Variants in LIN28B observed in about 807,000 individuals in gnomAD.
The protein encoded by LIN28B is protein lin-28 homolog B.
Under a neutral mutation model 21.9 loss-of-function variants are expected in LIN28B, and 5 were observed. That is an observed-to-expected ratio of 0.23 (90% CI 0.12 to 0.48). The LOEUF is 0.48. Among genes scored for constraint, LIN28B ranks in the 20% least tolerant of loss-of-function variants. The pLI is 0.98. For synonymous variants in LIN28B, 109 were observed against 111.3 expected, an observed-to-expected ratio of 0.98 and a Z score of 0.13; for missense variants, 245 against 310.5, an observed-to-expected ratio of 0.79 and a Z score of 1.58.
intron 3 of LIN28B, among the ~76,000 whole-genome samples, chr6:105,070,595 C>CACACACACACACACAT (rs1348958003): frequency 3.2e-4 from 32 of 101,466 alleles, no homozygotes; most frequent in Non-Finnish European, 5.8e-4. Flanking sequence ...AATAAAACCA[C>CACACACACACACACAT]ACACACACAC....
intron 3 of LIN28B, among the ~76,000 whole-genome samples, chr6:105,066,114 A>G (rs537979595): frequency 1.1e-4 from 17 of 152,328 alleles, no homozygotes; most frequent in African/African-American, 3.8e-4. Context: ...TCTAGGCTGT[A>G]GTGAGCTGTG....
At position 104,997,786 on chromosome 6, in the gene LIN28B, T is replaced by C. The variant is rs550383606; in HGVS notation, c.199-28512T>C. Among the ~76,000 whole-genome samples, 265 of 152,308 alleles carry C rather than the reference T, an allele frequency of 1.7e-3. 2 individuals carry two copies. Among genetic ancestry groups the C allele is most frequent in the Admixed American group, 2.3e-3 (35 of 15,300 alleles). On this transcript the variant is annotated intron_variant, in intron 2 of 3. Coordinates refer to ENST00000345080, the MANE Select transcript of LIN28B (RefSeq NM_001004317.4). ...TAAAAATTAGTCTTAGCACATTAGC[T>C]AAGGCTGACACTTCCGGGTTTATAT...
intron 2 of LIN28B, among the ~76,000 whole-genome samples, chr6:104,976,020 TGGCTG>T (rs1403044229): frequency 6.6e-6 from 1 of 152,114 alleles, no homozygotes; most frequent in East Asian, 1.9e-4. Context: ...GATCATAGAA[TGGCTG>T]ATTGCCTAAT....
At chr6:105,019,572 C>G (rs1479297222) in intron 2 of LIN28B, among the ~76,000 whole-genome samples, 1 of 152,112 alleles carries the variant, frequency 6.6e-6, no homozygotes, top group Non-Finnish European at 1.5e-5. Flanking sequence ...CATTAACCTC[C>G]CTGTTTTCAA....
At chr6:105,020,747 C>CTTTT (rs1176851045) in intron 2 of LIN28B, among the ~76,000 whole-genome samples, 26 of 85,414 alleles carry the variant, frequency 3.0e-4, no homozygotes, top group Non-Finnish European at 3.8e-4. Context: ...TCATTCCACT[C>CTTTT]TTTTTTTTTT....
intron 2 of LIN28B, chr6:104,940,829 T>A (rs115424684): frequency 6.6e-6 from 1 of 151,452 alleles, no homozygotes; most frequent in African/African-American, 2.4e-5. Context: ...CGGCTCACAA[T>A]GTGCTGACCC....
chr6:105,021,374 G>A (rs1265611770), intron 2 of LIN28B, among the ~76,000 whole-genome samples: 2 of 152,008 alleles, frequency 1.3e-5, no homozygotes, highest in Non-Finnish European at 2.9e-5. Flanking sequence ...TTTCCTTTGG[G>A]TCAATACCCA....
intron 2 of LIN28B, among the ~76,000 whole-genome samples, chr6:104,949,287 G>C (rs541137234): frequency 6.6e-6 from 1 of 152,282 alleles, no homozygotes; most frequent in African/African-American, 2.4e-5. Context: ...TTCATTAAGT[G>C]TCTGTAATGA....
rs182392585 is a variant in LIN28B at position 105,059,841 on chromosome 6, T to G, written c.384-18573T>G. ...CCCTTTAGTACTAAATATTCTTTTT[T>G]CATCCTTACATTCCAGCATCTTACA... On this transcript the variant is annotated intron_variant, in intron 3 of 3. Coordinates refer to ENST00000345080, the MANE Select transcript of LIN28B (RefSeq NM_001004317.4). Among the ~76,000 whole-genome samples the G allele has an allele frequency of 5.6e-4, 85 of 152,328 alleles. No homozygotes were observed. In the East Asian group the frequency reaches 9.2e-3, roughly 17 times the overall value.
intron 3 of LIN28B, among the ~76,000 whole-genome samples, chr6:105,049,566 T>C (rs1387292994): frequency 6.6e-6 from 1 of 152,172 alleles, no homozygotes; most frequent in Admixed American, 6.5e-5. Flanking sequence ...TTGTTAACTT[T>C]CTGTCTCGTT....
chr6:105,043,380 A>G (rs1041548690), intron 3 of LIN28B, among the ~76,000 whole-genome samples: 1 of 145,778 alleles, frequency 6.9e-6, no homozygotes, highest in African/African-American at 2.5e-5. Context: ...AAAGAAAACT[A>G]AAACTATACA....
chr6:104,958,193 G>C lies in LIN28B; in HGVS notation c.105G>C (p.Lys35Asn). Residue 35 changes from lysine to asparagine, a missense_variant, in exon 2 of 4, where the codon AAG becomes AAC. Lys to Asn is a moderately conservative substitution (Grantham distance 94, BLOSUM62 0). Transcript: ENST00000345080. Reference sequence around the variant, plus strand: ...TTTTGCGCGGAACTGGCCACTGTAAGTGGTTCAATGTGCGCATGGGATTTG... The same window carrying C: ...TTTTGCGCGGAACTGGCCACTGTAACTGGTTCAATGTGCGCATGGGATTTG... ...SQVLRGTGHC[K>N]WFNVRMGFGF... The C allele has an allele frequency of 6.2e-7, 1 of 1,608,744 alleles. No individual in the cohort carries two copies. The highest frequency in any genetic ancestry group is 8.5e-7 in the Non-Finnish European group (1 of 1,175,738).
chr6:105,045,137 C>G lies in LIN28B; in HGVS notation c.383+18655C>G, dbSNP rs537775956. Among the ~76,000 whole-genome samples, 6 of 152,022 alleles carry G rather than the reference C, an allele frequency of 3.9e-5. No homozygotes were observed. The South Asian group carries it at 1.2e-3, about 32-fold the overall frequency. ...AGATTGAGAAAAGTTTCAGAAATAC[C>G]TGAAGGCACTATTTTTTATTCTATG... On this transcript the variant is annotated intron_variant, in intron 3 of 3. Coordinates refer to ENST00000345080, the MANE Select transcript of LIN28B (RefSeq NM_001004317.4).
At chr6:105,058,826 T>C (rs927201988) in intron 3 of LIN28B, among the ~76,000 whole-genome samples, 3 of 152,216 alleles carry the variant, frequency 2.0e-5, no homozygotes, top group African/African-American at 7.2e-5. Flanking sequence ...CCTGTGGGTA[T>C]TTTAAAGGTA....
chr6:104,953,737 C>T (rs898731540), upstream of LIN28B, among the ~76,000 whole-genome samples: 43 of 152,170 alleles, frequency 2.8e-4, no homozygotes, highest in Non-Finnish European at 5.4e-4. Flanking sequence ...GCCTGGGGAG[C>T]GACCTGCCTG....
intron 2 of LIN28B, among the ~76,000 whole-genome samples, chr6:105,024,936 T>TTAAAAAA (rs1452265016): frequency 1.3e-5 from 2 of 152,138 alleles, no homozygotes; most frequent in African/African-American, 4.8e-5. Flanking sequence ...AACTGCTGAG[T>TTAAAAAA]TAAAAAAGAT....
At chr6:105,066,102 G>T (rs763454881) in intron 3 of LIN28B, among the ~76,000 whole-genome samples, 1 of 152,214 alleles carries the variant, frequency 6.6e-6, no homozygotes, top group Non-Finnish European at 1.5e-5. Context: ...GAGCCCAGGA[G>T]CTCTAGGCTG....
intron 2 of LIN28B, among the ~76,000 whole-genome samples, chr6:105,002,504 T>G (rs1314398400): frequency 6.6e-6 from 1 of 152,138 alleles, no homozygotes; most frequent in Non-Finnish European, 1.5e-5. Context: ...CTGTTTAAAC[T>G]GAAATTAATA....
intron 2 of LIN28B, among the ~76,000 whole-genome samples, chr6:104,968,041 A>C (rs1769900045): frequency 6.6e-6 from 1 of 152,222 alleles, no homozygotes; most frequent in South Asian, 2.1e-4. Context: ...AGATGGCTTA[A>C]TGTCATAGAA....
Sources: allele counts gnomAD v4.1 joint callset (sites outside exome capture counted in the v4.1 genomes callset), GRCh38; gene constraint gnomAD v4.1.1; transcripts MANE v1.5; gene names NCBI Gene and HGNC (gene_info 2026-07-23, HGNC 2026-07-21).